EXOC4: variants seen among roughly 807,000 people sequenced by gnomAD.
The protein encoded by EXOC4 is exocyst complex component 4.
In EXOC4, 71 loss-of-function variants were observed where a neutral mutation model predicts 107.2. That is an observed-to-expected ratio of 0.66 (90% CI 0.55 to 0.81). EXOC4 has a LOEUF of 0.81. EXOC4 is among the 30% of genes least tolerant of loss of function. EXOC4 has a pLI of 0.00. For missense variants in EXOC4, 1,108 were observed against 1,189.6 expected (o/e 0.93, Z 1.01); for synonymous variants, 456 against 441.2 (o/e 1.03, Z -0.42).
intron 17 of EXOC4, among the ~76,000 whole-genome samples, chr7:134,044,489 G>C (rs1180251909): frequency 6.6e-6 from 1 of 152,148 alleles, no homozygotes; most frequent in Non-Finnish European, 1.5e-5. Flanking sequence ...TTTTCTACTA[G>C]GAATCAGCAT....
At chr7:133,811,766 G>T (rs1188026392) in intron 10 of EXOC4, among the ~76,000 whole-genome samples, 1 of 152,168 alleles carries the variant, frequency 6.6e-6, no homozygotes, top group East Asian at 1.9e-4. Context: ...ACATTCGAAT[G>T]GTGGAGATAT....
chr7:133,364,679 A>G (rs1796212778), intron 6 of EXOC4, among the ~76,000 whole-genome samples: 1 of 151,924 alleles, frequency 6.6e-6, no homozygotes, highest in Non-Finnish European at 1.5e-5. Context: ...GTTTGAGAAC[A>G]CTCTTTAGAT....
At chr7:133,603,409 G>A (rs1801854606) in intron 9 of EXOC4, among the ~76,000 whole-genome samples, 1 of 152,262 alleles carries the variant, frequency 6.6e-6, no homozygotes, top group South Asian at 2.1e-4. Flanking sequence ...TTTGAGAAAT[G>A]CATCATTAGG....
intron 9 of EXOC4, among the ~76,000 whole-genome samples, chr7:133,508,798 A>G (rs1343915962): frequency 6.6e-6 from 1 of 152,140 alleles, no homozygotes; most frequent in East Asian, 1.9e-4. Flanking sequence ...TCCAATAGAG[A>G]TTTCATACTA....
intron 6 of EXOC4, among the ~76,000 whole-genome samples, chr7:133,365,907 T>TCTTA (rs1321231174): frequency 6.6e-6 from 1 of 152,206 alleles, no homozygotes. Flanking sequence ...TTCACTACTT[T>TCTTA]CTTACCTTTT....
chr7:133,695,263 G>A (rs955040004), intron 10 of EXOC4, among the ~76,000 whole-genome samples: 5 of 151,604 alleles, frequency 3.3e-5, no homozygotes, highest in African/African-American at 1.2e-4. Context: ...TTAACATAAC[G>A]ACTTGCAGTT....
At chr7:133,805,084 G>C (rs1017274370) in intron 10 of EXOC4, among the ~76,000 whole-genome samples, 1 of 152,084 alleles carries the variant, frequency 6.6e-6, no homozygotes, top group Non-Finnish European at 1.5e-5. Flanking sequence ...TGTACAAAAC[G>C]CAGTTGCTGC....
chr7:133,666,364 T>C (rs1793813133), intron 10 of EXOC4, among the ~76,000 whole-genome samples: 2 of 152,150 alleles, frequency 1.3e-5, no homozygotes, highest in Admixed American at 6.5e-5. Flanking sequence ...GAAGCAGTGA[T>C]TTTTCTCCAG....
chr7:134,046,406 G>T (rs1795651810), intron 17 of EXOC4, among the ~76,000 whole-genome samples: 1 of 151,650 alleles, frequency 6.6e-6, no homozygotes, highest in South Asian at 2.1e-4. Context: ...GGAGGCAGAG[G>T]TTGCAGTGAG....
At chr7:133,629,953 A>T in intron 9 of EXOC4, 92 bp from the exon 10 acceptor site, 1 of 830,320 alleles carries the variant, frequency 1.2e-6, no homozygotes, top group South Asian at 1.6e-5. Flanking sequence ...GGTCCTAATT[A>T]TGACAGTATA....
intron 1 of EXOC4, among the ~76,000 whole-genome samples, chr7:133,265,189 C>T (rs1793696027): frequency 6.6e-6 from 1 of 151,886 alleles, no homozygotes; most frequent in South Asian, 2.1e-4. Context: ...TTTTCCATCT[C>T]GGAGTGAGGT....
chr7:133,810,223 T>G (rs934434483), intron 10 of EXOC4, among the ~76,000 whole-genome samples: 2 of 152,200 alleles, frequency 1.3e-5, no homozygotes, highest in Non-Finnish European at 2.9e-5. Context: ...TTAAAGGATA[T>G]TTCCAGCTGG....
intron 5 of EXOC4, among the ~76,000 whole-genome samples, chr7:133,318,441 G>C (rs1321168478): frequency 6.6e-6 from 1 of 152,194 alleles, no homozygotes; most frequent in Non-Finnish European, 1.5e-5. Context: ...TGGGGAAGAA[G>C]ACTCGATGTC....
chr7:133,742,653 T>C (rs1795590022), intron 10 of EXOC4, among the ~76,000 whole-genome samples: 1 of 152,190 alleles, frequency 6.6e-6, no homozygotes, highest in African/African-American at 2.4e-5. Flanking sequence ...TAAAAGCATT[T>C]GTCAGTGATA....
chr7:133,324,806 G>C lies in EXOC4; in HGVS notation c.763+7416G>C, dbSNP rs540202019. 8.8e-4 allele frequency among the ~76,000 whole-genome samples: 134 copies of C among 152,268 alleles called. 1 individual carries two copies. The highest frequency in any genetic ancestry group is 3.0e-3 in the African/African-American group (123 of 41,536). ...TGTTGATCTGTCTAATGTTGACAGT[G>C]GGGTGTTAAAGTCTCCCATTATTAT... On this transcript the variant is annotated intron_variant, in intron 5 of 17. Transcript: ENST00000253861.
intron 3 of EXOC4, 77 bp from the exon 4 acceptor site, chr7:133,305,800 A>C: frequency 7.9e-7 from 1 of 1,267,380 alleles, no homozygotes; most frequent in Non-Finnish European, 1.1e-6. Context: ...GTATCTTTTT[A>C]AGACGTCTTT....
intron 10 of EXOC4, among the ~76,000 whole-genome samples, chr7:133,746,599 A>C (rs79229612): frequency 6.6e-6 from 1 of 152,300 alleles, no homozygotes; most frequent in East Asian, 1.9e-4. Flanking sequence ...TTTGCTTTCC[A>C]GTAAAACTTG....
intron 11 of EXOC4, among the ~76,000 whole-genome samples, chr7:133,818,424 A>T (rs182403961): frequency 6.6e-6 from 1 of 152,292 alleles, no homozygotes; most frequent in Non-Finnish European, 1.5e-5. Flanking sequence ...GCCTGCCCTT[A>T]CCTGCCTTTA....
At chr7:133,765,204 T>C (rs1396965918) in intron 10 of EXOC4, among the ~76,000 whole-genome samples, 2 of 152,192 alleles carry the variant, frequency 1.3e-5, no homozygotes, top group East Asian at 1.9e-4. Flanking sequence ...TACACTTTCA[T>C]TGAACTGGAT....
Sources: gnomAD v4.1 joint callset for allele counts (sites outside exome capture counted in the v4.1 genomes callset) on GRCh38, gnomAD v4.1.1 for gene constraint, MANE v1.5 for transcripts, NCBI Gene and HGNC (gene_info 2026-07-23, HGNC 2026-07-21) for gene names.